CPNE4: variants seen among roughly 807,000 people sequenced by gnomAD.
CPNE4 encodes the protein copine-4.
CPNE4 carries 25 observed loss-of-function variants against 67.9 expected under a neutral mutation model. That is an observed-to-expected ratio of 0.37 (90% CI 0.27 to 0.51). CPNE4 has a LOEUF of 0.51. CPNE4 is among the 20% of genes least tolerant of loss of function. The pLI, the probability that CPNE4 is intolerant of heterozygous loss-of-function variation, is 0.93. For missense variants in CPNE4, 464 were observed against 690.8 expected (o/e 0.67, Z 3.68); for synonymous variants, 242 against 244.9 (o/e 0.99, Z 0.11).
intron 2 of CPNE4, among the ~76,000 whole-genome samples, chr3:131,842,731 A>T (rs1168300758): frequency 3.2e-4 from 4 of 12,534 alleles, no homozygotes; most frequent in Admixed American, 1.5e-3. Flanking sequence ...ATTCTGTTGT[A>T]AAAAAAAAAA....
At chr3:131,975,395 C>A (rs2072621343) in intron 1 of CPNE4, among the ~76,000 whole-genome samples, 1 of 152,214 alleles carries the variant, frequency 6.6e-6, no homozygotes, top group Non-Finnish European at 1.5e-5. Context: ...CTTCTCCTAG[C>A]TGCCTAGTCC....
At chr3:131,661,601 T>G (rs370639774) in intron 7 of CPNE4, among the ~76,000 whole-genome samples, 1 of 152,122 alleles carries the variant, frequency 6.6e-6, no homozygotes, top group Non-Finnish European at 1.5e-5. Context: ...GACACCTCCA[T>G]GAGTCTGCAA....
intron 7 of CPNE4, among the ~76,000 whole-genome samples, chr3:131,591,348 C>CT (rs1247217146): frequency 6.6e-6 from 1 of 152,068 alleles, no homozygotes; most frequent in Non-Finnish European, 1.5e-5. Flanking sequence ...GTGGGAGCAA[C>CT]TTTTTTTTAA....
intron 7 of CPNE4, among the ~76,000 whole-genome samples, chr3:131,633,774 A>T (rs2079300639): frequency 6.6e-6 from 1 of 151,772 alleles, no homozygotes; most frequent in South Asian, 2.1e-4. Context: ...TTATTTTTAA[A>T]AAAAAGAACA....
At chr3:131,996,438 A>G (rs1225253977) in intron 1 of CPNE4, among the ~76,000 whole-genome samples, 1 of 152,060 alleles carries the variant, frequency 6.6e-6, no homozygotes, top group East Asian at 1.9e-4. Context: ...GCAGAGAAAG[A>G]TGAGAACTAG....
chr3:131,967,175 C>T (rs940397538), intron 1 of CPNE4, among the ~76,000 whole-genome samples: 1 of 152,200 alleles, frequency 6.6e-6, no homozygotes, highest in Non-Finnish European at 1.5e-5. Context: ...ATTCAACACA[C>T]TTTCATGCTA....
At chr3:131,610,111 T>C (rs1939745649) in intron 7 of CPNE4, among the ~76,000 whole-genome samples, 1 of 152,090 alleles carries the variant, frequency 6.6e-6, no homozygotes, top group African/African-American at 2.4e-5. Context: ...CTTTCCTTTT[T>C]CCCTCCTTTC....
intron 1 of CPNE4, among the ~76,000 whole-genome samples, chr3:131,923,953 C>A (rs917615252): frequency 9.9e-5 from 15 of 152,146 alleles, no homozygotes; most frequent in African/African-American, 3.1e-4. Flanking sequence ...CCTTATTCTT[C>A]TCTGAATCCA....
chr3:131,945,231 A>G (rs1199913755), intron 1 of CPNE4, among the ~76,000 whole-genome samples: 5 of 152,160 alleles, frequency 3.3e-5, no homozygotes, highest in Non-Finnish European at 5.9e-5. Flanking sequence ...AAACCTGGTA[A>G]CAAAAATGAC....
chr3:132,028,265 G>T (rs1435965601), intron 1 of CPNE4, among the ~76,000 whole-genome samples: 1 of 152,162 alleles, frequency 6.6e-6, no homozygotes, highest in African/African-American at 2.4e-5. Flanking sequence ...AACAGGACTT[G>T]TAAAGGACCA....
intron 2 of CPNE4, among the ~76,000 whole-genome samples, chr3:131,804,276 T>C (rs2084232303): frequency 6.6e-6 from 1 of 152,174 alleles, no homozygotes; most frequent in South Asian, 2.1e-4. Flanking sequence ...AGAACCCGTA[T>C]GATTTCAGAC....
At chr3:131,652,485 T>C (rs2107626005) in intron 7 of CPNE4, among the ~76,000 whole-genome samples, 1 of 152,342 alleles carries the variant, frequency 6.6e-6, no homozygotes, top group East Asian at 1.9e-4. Flanking sequence ...TTTGAATTTT[T>C]AAACAGGAAC....
intron 2 of CPNE4, among the ~76,000 whole-genome samples, chr3:131,818,700 G>T (rs2084842405): frequency 6.6e-6 from 1 of 152,182 alleles, no homozygotes; most frequent in South Asian, 2.1e-4. Flanking sequence ...TTTAAAACCT[G>T]ATTGAATCTT....
upstream of CPNE4, among the ~76,000 whole-genome samples, chr3:132,037,287 G>A (rs888186471): frequency 9.7e-5 from 2 of 20,570 alleles, no homozygotes; most frequent in Non-Finnish European, 1.2e-4. Context: ...ATGCCAGTGC[G>A]CAGAAAACGT....
At chr3:131,825,065 C>A (rs1482179954) in intron 2 of CPNE4, among the ~76,000 whole-genome samples, 7 of 152,092 alleles carry the variant, frequency 4.6e-5, no homozygotes, top group African/African-American at 1.7e-4. Context: ...GACAAGGGAT[C>A]TACTGGGAGA....
chr3:131,713,406 C>CTGAGA (rs1001764311), intron 3 of CPNE4, among the ~76,000 whole-genome samples: 4 of 151,926 alleles, frequency 2.6e-5, no homozygotes, highest in Non-Finnish European at 5.9e-5. Flanking sequence ...ATACTTCATG[C>CTGAGA]TGAGATGAGA....
At chr3:131,764,575 C>T (rs2082963907) in intron 2 of CPNE4, among the ~76,000 whole-genome samples, 1 of 152,022 alleles carries the variant, frequency 6.6e-6, no homozygotes, top group Non-Finnish European at 1.5e-5. Context: ...TTCCCACATT[C>T]CTGCTAGCAG....
At chr3:131,889,678 A>G (rs954193142) in intron 2 of CPNE4, among the ~76,000 whole-genome samples, 13 of 152,248 alleles carry the variant, frequency 8.5e-5, no homozygotes, top group South Asian at 4.1e-4. Flanking sequence ...GTATTTTAGT[A>G]TAACTTGAAA....
intron 7 of CPNE4, among the ~76,000 whole-genome samples, chr3:131,590,371 C>T (rs980061149): frequency 2.6e-5 from 4 of 152,152 alleles, no homozygotes; most frequent in Non-Finnish European, 4.4e-5. Flanking sequence ...TGGAGCTCCA[C>T]GGAAATACCA....
Sources: gnomAD v4.1 joint callset for allele counts (sites outside exome capture counted in the v4.1 genomes callset) on GRCh38, gnomAD v4.1.1 for gene constraint, MANE v1.5 for transcripts, NCBI Gene and HGNC (gene_info 2026-07-23, HGNC 2026-07-21) for gene names.